Variants in ZNF804A observed in about 807,000 individuals in gnomAD.
ZNF804A encodes zinc finger protein 804A.
Under a neutral mutation model 16.5 loss-of-function variants are expected in ZNF804A, and 2 were observed. The ratio of observed to expected loss-of-function variants is 0.12; its 90% CI spans 0.05 to 0.38. The LOEUF (loss-of-function observed/expected upper bound fraction) is 0.38. Ranked by LOEUF, ZNF804A falls within the 10% of genes least tolerant of loss-of-function variation. ZNF804A has a pLI of 0.99. For missense variants in ZNF804A, 1,473 were observed against 1,390.7 expected, an observed-to-expected ratio of 1.06 and a Z score of -0.94; for synonymous variants, 534 against 489.6, an observed-to-expected ratio of 1.09 and a Z score of -1.20.
chr2:184,768,386 G>T (rs888566383), intron 1 of ZNF804A, among the ~76,000 whole-genome samples: 3 of 152,022 alleles, frequency 2.0e-5, no homozygotes, highest in African/African-American at 7.2e-5. Flanking sequence ...AAAACTCCTA[G>T]TGGACTTTAT....
In ZNF804A at chr2:184,658,127, C is replaced by A. The variant is rs115189212; in HGVS notation, c.111+59057C>A. On this transcript the variant is annotated intron_variant, in intron 1 of 3. Transcript: ENST00000302277. ...CTTTGGTGAATTTATGATATTTAGA[C>A]AAATGGCACACAGATTAGGATTGTA... 1.3e-3 allele frequency among the ~76,000 whole-genome samples: 193 copies of A among 152,236 alleles called. 1 individual carries two copies. The highest frequency in any genetic ancestry group is 4.4e-3 in the African/African-American group (183 of 41,532).
chr2:184,634,470 C>T (rs1425201372), intron 1 of ZNF804A, among the ~76,000 whole-genome samples: 1 of 151,846 alleles, frequency 6.6e-6, no homozygotes, highest in East Asian at 1.9e-4. Context: ...AATGTAATCA[C>T]AAGGATCCTT....
rs113715545 is a variant in ZNF804A, at chr2:184,698,594, C to T, written c.111+99524C>T. On this transcript the variant is annotated intron_variant, in intron 1 of 3. Transcript: ENST00000302277. ...TACACTGCAAATGGTGGAGGACTGTCGCTGAAACTGGCTTAATCAGAGAGG... is the reference window on the plus strand; with the variant it reads ...TACACTGCAAATGGTGGAGGACTGTTGCTGAAACTGGCTTAATCAGAGAGG... Among the ~76,000 whole-genome samples the T allele has an allele frequency of 9.1e-4, 139 of 152,082 alleles. 1 individual carries two copies. The South Asian group carries it at 0.026, about 28-fold the overall frequency.
At chr2:184,774,134 C>T (rs1463988494) in intron 1 of ZNF804A, among the ~76,000 whole-genome samples, 1 of 151,838 alleles carries the variant, frequency 6.6e-6, no homozygotes, top group African/African-American at 2.4e-5. Flanking sequence ...GGAAAGGAAT[C>T]CTACTATTTG....
At chr2:184,708,559 T>G (rs934557838) in intron 1 of ZNF804A, among the ~76,000 whole-genome samples, 13 of 151,974 alleles carry the variant, frequency 8.6e-5, no homozygotes, top group African/African-American at 2.4e-4. Flanking sequence ...AGGACCAAAT[T>G]CAACAAACGG....
intron 1 of ZNF804A, among the ~76,000 whole-genome samples, chr2:184,801,268 G>A (rs901293131): frequency 3.9e-5 from 6 of 152,038 alleles, no homozygotes; most frequent in African/African-American, 1.4e-4. Context: ...AAATGCTTAA[G>A]TGTAGAAGTT....
intron 1 of ZNF804A, among the ~76,000 whole-genome samples, chr2:184,858,004 T>A (rs536560544): frequency 3.7e-4 from 56 of 152,216 alleles, no homozygotes; most frequent in African/African-American, 1.3e-3. Context: ...GTTAATTGTT[T>A]TCTGGTTATT....
chr2:184,879,149 G>A (rs554045599), intron 2 of ZNF804A, among the ~76,000 whole-genome samples: 101 of 133,590 alleles, frequency 7.6e-4, no homozygotes, highest in Non-Finnish European at 5.0e-4. Context: ...TTGTGTGTGT[G>A]AGAGAGAGAG....
chr2:184,744,986 T>C (rs1693766849), intron 1 of ZNF804A, among the ~76,000 whole-genome samples: 1 of 151,830 alleles, frequency 6.6e-6, no homozygotes, highest in African/African-American at 2.4e-5. Flanking sequence ...TATTTTATTG[T>C]TTTTTCACCA....
At chr2:184,842,140 T>C (rs1465908264) in intron 1 of ZNF804A, among the ~76,000 whole-genome samples, 1 of 152,346 alleles carries the variant, frequency 6.6e-6, no homozygotes, top group East Asian at 1.9e-4. Flanking sequence ...AAAATATCCC[T>C]TTTCTTTTGG....
intron 1 of ZNF804A, among the ~76,000 whole-genome samples, chr2:184,756,032 G>C (rs1019154497): frequency 2.0e-5 from 3 of 151,912 alleles, no homozygotes; most frequent in African/African-American, 7.3e-5. Flanking sequence ...AAAACAAACT[G>C]TATGAACACA....
intron 1 of ZNF804A, among the ~76,000 whole-genome samples, chr2:184,769,882 AT>A (rs558422061): frequency 1.1e-4 from 17 of 152,036 alleles, no homozygotes; most frequent in African/African-American, 4.1e-4. Flanking sequence ...TCAAGAAAGC[AT>A]TTTTTTAGAA....
At chr2:184,678,289 T>C (rs1397345834) in intron 1 of ZNF804A, among the ~76,000 whole-genome samples, 1 of 152,244 alleles carries the variant, frequency 6.6e-6, no homozygotes, top group East Asian at 1.9e-4. Flanking sequence ...TGATTTTTTA[T>C]TGCAGGCATT....
chr2:184,773,874 A>G lies in ZNF804A; in HGVS notation c.112-92495A>G, dbSNP rs535874144. ...GTATCAAACAGCAAGAGGGGAGCCA[A>G]CAGAAAACACCATATTGAAGTTTAG... is the stretch of plus-strand genomic sequence containing the variant. On this transcript the variant is annotated intron_variant, in intron 1 of 3. Coordinates refer to ENST00000302277, the MANE Select transcript of ZNF804A (RefSeq NM_194250.2). Among the ~76,000 whole-genome samples, 9 of 152,090 alleles carry G rather than the reference A, an allele frequency of 5.9e-5. No homozygotes were observed. The East Asian group carries it at 1.7e-3, about 30-fold the overall frequency.
chr2:184,937,320 C>T lies in ZNF804A; in HGVS notation c.1924C>T (p.Gln642Ter). The change falls in exon 4 of 4, where the codon CAG becomes TAG. Residue 642 changes from glutamine to a stop codon, truncating the protein, a stop_gained. Transcript: ENST00000302277. LOFTEE classifies it low-confidence loss of function (END_TRUNC). ...KYLLEPISEKQYLAAEQLLDS... is the reference protein window; with the variant it reads ...KYLLEPISEK ...TCTATTGGAACCAATTTCAGAAAAG[C>T]AGTATTTAGCTGCAGAGCAATTATT... is the stretch of plus-strand genomic sequence containing the variant. 6.2e-7 allele frequency: 1 copy of T among 1,613,918 alleles called. No individual in the cohort carries two copies. The highest frequency in any genetic ancestry group is 8.5e-7 in the Non-Finnish European group (1 of 1,179,934).
At chr2:184,918,498 A>G (rs567238156) in intron 2 of ZNF804A, among the ~76,000 whole-genome samples, 2 of 152,306 alleles carry the variant, frequency 1.3e-5, no homozygotes, top group South Asian at 4.1e-4. Context: ...AAACATCATC[A>G]TATATTGGAT....
In ZNF804A at chr2:184,758,203, C is replaced by T. The variant is rs79407152; in HGVS notation, c.112-108166C>T. 8.2e-3 allele frequency among the ~76,000 whole-genome samples: 1,247 copies of T among 151,542 alleles called. 82 individuals carry two copies. The East Asian group carries it at 0.17, about 20-fold the overall frequency. On this transcript the variant is annotated intron_variant, in intron 1 of 3. Coordinates refer to ENST00000302277, the MANE Select transcript of ZNF804A (RefSeq NM_194250.2). The stretch of plus-strand genomic sequence containing the variant: ...TGAATGGGGATAAATATTAAGCTTC[C>T]GGTGAATATATTTATTAGTTTTATG...
intron 1 of ZNF804A, among the ~76,000 whole-genome samples, chr2:184,709,336 T>A (rs73978072): frequency 0.069 from 10,501 of 152,140 alleles, 1,231 homozygotes; most frequent in African/African-American, 0.24. Context: ...GAATCAGATA[T>A]GAAGTAATAT....
At chr2:184,878,135 G>C (rs889402356) in intron 2 of ZNF804A, among the ~76,000 whole-genome samples, 9 of 152,090 alleles carry the variant, frequency 5.9e-5, no homozygotes, top group African/African-American at 1.9e-4. Context: ...CCAGATTGCT[G>C]TGTTTAAATT....
Sources: allele counts gnomAD v4.1 joint callset (sites outside exome capture counted in the v4.1 genomes callset), GRCh38; gene constraint gnomAD v4.1.1; transcripts MANE v1.5; gene names NCBI Gene and HGNC (gene_info 2026-07-23, HGNC 2026-07-21).